CACNA1C: variants seen among roughly 807,000 people sequenced by gnomAD.
CACNA1C encodes the protein voltage-dependent L-type calcium channel subunit alpha-1C.
In CACNA1C, 30 loss-of-function variants were observed where a neutral mutation model predicts 229.0. The observed-to-expected ratio is 0.13, with a 90% confidence interval of 0.10 to 0.18. The LOEUF is 0.18. CACNA1C is among the 10% of genes least tolerant of loss of function. CACNA1C has a pLI of 1.00. For synonymous variants in CACNA1C, 1,114 were observed against 1,132.5 expected (o/e 0.98, Z 0.33); for missense variants, 1,658 against 2,845.0 (o/e 0.58, Z 9.49).
intron 3 of CACNA1C, among the ~76,000 whole-genome samples, chr12:2,230,678 CA>C (rs1442537944): frequency 1.3e-5 from 2 of 152,216 alleles, no homozygotes; most frequent in Admixed American, 1.3e-4. Flanking sequence ...TAGAATCTTC[CA>C]TCTTGGGTTG....
chr12:2,182,178 A>G (rs1173467341), intron 3 of CACNA1C, among the ~76,000 whole-genome samples: 1 of 150,834 alleles, frequency 6.6e-6, no homozygotes, highest in Non-Finnish European at 1.5e-5. Flanking sequence ...CCTTGAACCC[A>G]TGTAATCTTC....
At chr12:2,186,441 A>T (rs900127132) in intron 3 of CACNA1C, among the ~76,000 whole-genome samples, 3 of 152,180 alleles carry the variant, frequency 2.0e-5, no homozygotes, top group African/African-American at 7.2e-5. Flanking sequence ...TGAGGGGGTA[A>T]GGGTTCCTTT....
At chr12:2,140,063 T>C (rs1277550877) in intron 3 of CACNA1C, among the ~76,000 whole-genome samples, 1 of 151,324 alleles carries the variant, frequency 6.6e-6, no homozygotes, top group Non-Finnish European at 1.5e-5. Flanking sequence ...CCTGGTGCTG[T>C]GTACTAGGCT....
At chr12:2,553,101 G>A (rs184845170) in intron 10 of CACNA1C, among the ~76,000 whole-genome samples, 1 of 152,232 alleles carries the variant, frequency 6.6e-6, no homozygotes, top group African/African-American at 2.4e-5. Flanking sequence ...TGAAAGAAGA[G>A]GAGTCCCAGA....
rs374268470 is a variant in CACNA1C, at chr12:2,504,444, C to T, written c.1114-398C>T. 21 of 1,590,770 alleles carry T rather than the reference C, an allele frequency of 1.3e-5. No individual in the cohort carries two copies. Among genetic ancestry groups the T allele is most frequent in the East Asian group, 2.2e-5 (1 of 44,742 alleles). On this transcript the variant is annotated intron_variant, in intron 7 of 46. Coordinates refer to ENST00000399655, the MANE Select transcript of CACNA1C (RefSeq NM_000719.7). This position sits in a 1 kb window ranked among gnomAD's most constrained non-coding sequence, Gnocchi z 6.8. ...TTCCTTCGTCTTTCCAGATGCAGGACGCTATGGGCTATGAGTTACCCTGGG... is the reference window on the plus strand; with the variant it reads ...TTCCTTCGTCTTTCCAGATGCAGGATGCTATGGGCTATGAGTTACCCTGGG...
intron 9 of CACNA1C, among the ~76,000 whole-genome samples, chr12:2,544,392 C>G (rs954134011): frequency 3.9e-5 from 6 of 152,186 alleles, no homozygotes; most frequent in Non-Finnish European, 8.8e-5. Flanking sequence ...TCCCCTCATG[C>G]CTTTCCTGGA....
chr12:2,251,058 T>G (rs1485621157), intron 3 of CACNA1C, among the ~76,000 whole-genome samples: 3 of 152,246 alleles, frequency 2.0e-5, no homozygotes, highest in African/African-American at 7.2e-5. Context: ...AACAGTCATG[T>G]CACTTTGGAA....
intron 26 of CACNA1C, chr12:2,607,462 A>C (rs2075856912): frequency 4.4e-6 from 1 of 228,310 alleles, no homozygotes. Context: ...GAGCTTCTCC[A>C]GGTGTGGGCC....
intron 3 of CACNA1C, among the ~76,000 whole-genome samples, chr12:2,247,897 G>T (rs939015031): frequency 2.0e-5 from 3 of 152,188 alleles, no homozygotes; most frequent in African/African-American, 7.2e-5. Flanking sequence ...AGGAGAAAAG[G>T]TGCTGTGGCC....
In CACNA1C at chr12:2,115,234, T is replaced by C. The variant is rs781275687; in HGVS notation, c.60T>C (p.Tyr20=). 1 of 1,569,350 alleles carries C rather than the reference T, an allele frequency of 6.4e-7. No homozygotes were observed. Among genetic ancestry groups the C allele is most frequent in the Admixed American group, 1.8e-5 (1 of 55,542 alleles). The change falls in exon 2 of 47, where the codon TAT becomes TAC. Residue 20 remains tyrosine, a synonymous_variant. Transcript: ENST00000399655. ...IPEENHQGSN[Y]GSPRPAHANM... Reference sequence around the variant, plus strand: ...TCTCTTTTGCCACAGGTTCCAACTATGGGAGCCCACGCCCCGCCCATGCCA... The same window carrying C: ...TCTCTTTTGCCACAGGTTCCAACTACGGGAGCCCACGCCCCGCCCATGCCA...
Position 2,054,300 on chromosome 12 carries a change from G to C in CACNA1C, c.49+689G>C, listed in dbSNP as rs1301698316. Among the ~76,000 whole-genome samples the C allele has an allele frequency of 6.6e-6, 1 of 152,094 alleles. No homozygotes were observed. Among genetic ancestry groups the C allele is most frequent in the Non-Finnish European group, 1.5e-5 (1 of 68,002 alleles). ...CCACCTCTCCACTGCTGTTGACCCC[G>C]AGCGCGCCCACGCCGCGTGTGTTCT... is the stretch of plus-strand genomic sequence containing the variant. On this transcript the variant is annotated intron_variant, in intron 1 of 46. Transcript: ENST00000399655. This position sits in a 1 kb window ranked among gnomAD's most constrained non-coding sequence, Gnocchi z 5.5.
At chr12:2,162,985 T>C (rs547818229) in intron 3 of CACNA1C, among the ~76,000 whole-genome samples, 1 of 152,110 alleles carries the variant, frequency 6.6e-6, no homozygotes, top group Admixed American at 6.5e-5. Context: ...ATATGACCAC[T>C]GACTGGAGTT....
In CACNA1C at chr12:2,504,903, G is replaced by T. The variant is rs760243734; in HGVS notation, c.1175G>T (p.Gly392Val). The change falls in exon 8 of 47, where the codon GGG (glycine) becomes GTG (valine). Residue 392 changes from glycine to valine, a missense_variant. Gly to Val is a moderately radical substitution (Grantham distance 109). This residue lies in a region of CACNA1C where 84 missense variants were observed against 202.6 expected (regional missense o/e 0.41). Coordinates refer to ENST00000399655, the MANE Select transcript of CACNA1C (RefSeq NM_000719.7). The surrounding 1 kb of genome is among the most constrained non-coding windows in gnomAD (Gnocchi z 6.8). ...WIYFVTLIIIGSFFVLNLVLG... is the reference protein window; with the variant it reads ...WIYFVTLIIIVSFFVLNLVLG... ...TATTTTGTTACACTAATCATCATAG[G>T]GTCATTTTTTGTACTTAACTTGGTT... The T allele has an allele frequency of 6.2e-7, 1 of 1,608,548 alleles. No individual in the cohort carries two copies. The highest frequency in any genetic ancestry group is 8.5e-7 in the Non-Finnish European group (1 of 1,175,186).
intron 3 of CACNA1C, among the ~76,000 whole-genome samples, chr12:2,161,442 C>G (rs1224341253): frequency 1.3e-5 from 2 of 152,174 alleles, no homozygotes; most frequent in African/African-American, 4.8e-5. Context: ...TGTCATTTTG[C>G]TGAGGGCTGG....
At chr12:2,582,393 A>T (rs748849201) in intron 14 of CACNA1C, among the ~76,000 whole-genome samples, 25 of 152,230 alleles carry the variant, frequency 1.6e-4, no homozygotes, top group South Asian at 4.1e-4. Context: ...ATTGAGAGGT[A>T]AAAATGAATC....
chr12:2,449,060 A>G lies in CACNA1C; in HGVS notation c.562A>G (p.Asn188Asp), dbSNP rs538997856. ...CGCCTATGGACTCCTCTTTCACCCC[A>G]ATGCCTACCTCCGCAACGGCTGGAA... ...VIAYGLLFHP[N>D]AYLRNGWNLL... Residue 188 changes from asparagine to aspartate, a missense_variant, in exon 4 of 47, where the codon AAT becomes GAT. Physicochemically the swap from Asn to Asp is conservative, Grantham distance 23 (BLOSUM62 1). Coordinates refer to ENST00000399655, the MANE Select transcript of CACNA1C (RefSeq NM_000719.7). 1 of 1,595,220 alleles carries G rather than the reference A, an allele frequency of 6.3e-7. No homozygotes were observed. The highest frequency in any genetic ancestry group is 1.1e-5 in the South Asian group (1 of 88,192).
At chr12:2,423,446 A>G (rs1388278849) in intron 3 of CACNA1C, among the ~76,000 whole-genome samples, 1 of 152,222 alleles carries the variant, frequency 6.6e-6, no homozygotes, top group Non-Finnish European at 1.5e-5. Context: ...TCAGTGTCTC[A>G]GTACCTTCAT....
intron 4 of CACNA1C, among the ~76,000 whole-genome samples, chr12:2,456,026 C>T (rs867212852): frequency 6.6e-5 from 10 of 152,290 alleles, no homozygotes; most frequent in Middle Eastern, 3.4e-3. Context: ...GACCTCCAGA[C>T]ACAGTAGAAC....
intron 9 of CACNA1C, among the ~76,000 whole-genome samples, chr12:2,526,736 T>C (rs1342497943): frequency 2.0e-5 from 3 of 152,210 alleles, no homozygotes; most frequent in Non-Finnish European, 4.4e-5. Flanking sequence ...ACTGGAGTGA[T>C]AGAGTAGCAT....
Sources: gnomAD v4.1 joint callset for allele counts (sites outside exome capture counted in the v4.1 genomes callset) on GRCh38, gnomAD v4.1.1 for gene constraint, gnomAD v4.1.1 regional missense constraint, Gnocchi (gnomAD v3.1) non-coding constraint, MANE v1.5 for transcripts, NCBI Gene and HGNC (gene_info 2026-07-23, HGNC 2026-07-21) for gene names.